The following NDUFAF8 variants were observed in gnomAD, a reference collection of about 807,000 sequenced individuals.
NDUFAF8 encodes the protein NADH:ubiquinone oxidoreductase complex assembly factor 8.
Under a neutral mutation model 9.9 loss-of-function variants are expected in NDUFAF8, and 9 were observed. That is an observed-to-expected ratio of 0.91 (90% CI 0.55 to 1.59). The LOEUF is 1.59. Ranked by LOEUF, NDUFAF8 falls within the 40% of genes most tolerant of loss-of-function variation. The pLI is 0.00. For missense variants in NDUFAF8, 114 were observed against 113.8 expected (o/e 1.00, Z -0.01); for synonymous variants, 63 against 51.2 (o/e 1.23, Z -0.98).
At chr17:81,240,405 G>C (rs115884718) in intron 2 of NDUFAF8, 1 of 153,664 alleles carries the variant, frequency 6.5e-6, no homozygotes. Context: ...GTGTGGTGGC[G>C]CGTGCCTGTA....
At position 81,240,922 on chromosome 17, in the gene NDUFAF8, A is replaced by G. The variant is rs59124084; in HGVS notation, c.196-65A>G. The G allele has an allele frequency of 0.021, 32,420 of 1,565,888 alleles. 1,185 individuals are homozygous for G. Among genetic ancestry groups the G allele is most frequent in the African/African-American group, 0.17 (12,223 of 73,850 alleles). Reference sequence around the variant, plus strand: ...GGTAGAACACAACGTGTGGTGTGGTAGCTTGCTTTTGAGGCGTATCTAACT... The same window carrying G: ...GGTAGAACACAACGTGTGGTGTGGTGGCTTGCTTTTGAGGCGTATCTAACT... On this transcript the variant is annotated intron_variant, in intron 2 of 2. Coordinates refer to ENST00000431388, the MANE Select transcript of NDUFAF8 (RefSeq NM_001086521.2).
At chr17:81,239,468 C>T in intron 1 of NDUFAF8, 21 bp downstream of exon 1, 1 of 1,389,464 alleles carries the variant, frequency 7.2e-7, no homozygotes, top group Non-Finnish European at 9.3e-7. Context: ...GCGGGCGGGC[C>T]AGTGCTGCGG....
Position 81,241,215 on chromosome 17 carries a change from T to C in NDUFAF8, c.*199T>C. On this transcript the variant is annotated 3_prime_UTR_variant, in exon 3 of 3. Transcript: ENST00000431388. ...AGCAGGAATTGGTTTTCCAGCATTGTGTCCGTAAACCTGAGTTAGAATAAG... is the reference window on the plus strand; with the variant it reads ...AGCAGGAATTGGTTTTCCAGCATTGCGTCCGTAAACCTGAGTTAGAATAAG... 7.3e-7 allele frequency: 1 copy of C among 1,371,458 alleles called. No homozygotes were observed. The highest frequency in any genetic ancestry group is 9.5e-7 in the Non-Finnish European group (1 of 1,057,524). The allele number at this position is 1,371,458 out of a possible 1,614,324, so 85.0% of individuals were successfully genotyped here.
In NDUFAF8 at chr17:81,241,151, T is replaced by C. The variant is rs746676007; in HGVS notation, c.*135T>C. 164 of 1,412,604 alleles carry C rather than the reference T, an allele frequency of 1.2e-4. No individual in the cohort carries two copies. Among genetic ancestry groups the C allele is most frequent in the Non-Finnish European group, 1.5e-4 (159 of 1,075,126 alleles). The allele number at this position is 1,412,604 out of a possible 1,614,324, so 87.5% of individuals were successfully genotyped here. Reference sequence around the variant, plus strand: ...GCGAAGATGTGACATTCCTCGGTGTTAGATCCTGTTTTTTCTTAACAAGTT... The same window carrying C: ...GCGAAGATGTGACATTCCTCGGTGTCAGATCCTGTTTTTTCTTAACAAGTT... On this transcript the variant is annotated 3_prime_UTR_variant, in exon 3 of 3. Coordinates refer to ENST00000431388, the MANE Select transcript of NDUFAF8 (RefSeq NM_001086521.2).
intron 2 of NDUFAF8, among the ~76,000 whole-genome samples, chr17:81,240,651 A>G (rs570369174): frequency 6.6e-6 from 1 of 151,144 alleles, no homozygotes; most frequent in Admixed American, 6.6e-5. Flanking sequence ...CCTAGGCAAC[A>G]AAGTGAGACT....
At position 81,241,090 on chromosome 17, in the gene NDUFAF8, A is replaced by G. The variant is rs555208393; in HGVS notation, c.*74A>G. On this transcript the variant is annotated 3_prime_UTR_variant, in exon 3 of 3. Transcript: ENST00000431388. ...TAGTCCTGATGGCCCCTGGTGGCAC[A>G]TATCGAATGCCTAGGGCAGAAAGGA... The G allele has an allele frequency of 5.2e-6, 8 of 1,551,936 alleles. No individual in the cohort carries two copies. The South Asian group carries it at 8.4e-5, about 16-fold the overall frequency.
chr17:81,239,511 A>C (rs1046084819), intron 1 of NDUFAF8, 57 bp from the exon 2 acceptor site: 57 of 1,448,206 alleles, frequency 3.9e-5, no homozygotes, highest in Non-Finnish European at 5.0e-5. Flanking sequence ...GGTGGCTGGG[A>C]GGGAGGACGG....
intron 2 of NDUFAF8, 21 bp from the exon 3 acceptor site, chr17:81,240,966 A>G (rs757341965): frequency 2.2e-5 from 36 of 1,612,414 alleles, no homozygotes; most frequent in Non-Finnish European, 2.2e-5. Context: ...AGCCATTCAG[A>G]CAAAACACTT....
chr17:81,240,691 C>G (rs1178331007), intron 2 of NDUFAF8, among the ~76,000 whole-genome samples: 1 of 147,754 alleles, frequency 6.8e-6, no homozygotes, highest in Non-Finnish European at 1.5e-5. Context: ...AGGGGGGGGG[C>G]TCCTGCTTTC....
chr17:81,241,241 A>T lies in NDUFAF8; in HGVS notation c.*225A>T, dbSNP rs2062815365. On this transcript the variant is annotated 3_prime_UTR_variant, in exon 3 of 3. Transcript: ENST00000431388. Reference sequence around the variant, plus strand: ...GTCCGTAAACCTGAGTTAGAATAAGATGTAACGGAAGCCACGATAAAGACT... The same window carrying T: ...GTCCGTAAACCTGAGTTAGAATAAGTTGTAACGGAAGCCACGATAAAGACT... 12 of 1,298,230 alleles carry T rather than the reference A, an allele frequency of 9.2e-6. No individual in the cohort carries two copies. In the South Asian group the frequency reaches 2.4e-4, roughly 26 times the overall value. 80.4% of individuals were successfully genotyped at this position (1,298,230 alleles called of 1,614,324 possible). A position where few individuals can be genotyped will look rare whatever the true frequency, so the allele number is the denominator to read the frequency against.
chr17:81,241,225 C>A lies in NDUFAF8; in HGVS notation c.*209C>A, dbSNP rs2062815276. The A allele has an allele frequency of 3.0e-6, 4 of 1,346,400 alleles. No individual in the cohort carries two copies. The East Asian group carries it at 8.0e-5, about 27-fold the overall frequency. 83.4% of individuals were successfully genotyped at this position (1,346,400 alleles called of 1,614,324 possible). On this transcript the variant is annotated 3_prime_UTR_variant, in exon 3 of 3. Transcript: ENST00000431388. ...GGTTTTCCAGCATTGTGTCCGTAAACCTGAGTTAGAATAAGATGTAACGGA... is the reference window on the plus strand; with the variant it reads ...GGTTTTCCAGCATTGTGTCCGTAAAACTGAGTTAGAATAAGATGTAACGGA...
At chr17:81,239,479 G>A (rs1223358130) in intron 1 of NDUFAF8, 32 bp downstream of exon 1, 1 of 1,417,644 alleles carries the variant, frequency 7.1e-7, no homozygotes, top group Admixed American at 2.9e-5. Flanking sequence ...AGTGCTGCGG[G>A]GCAGGAGGAG....
chr17:81,239,882 G>C, intron 2 of NDUFAF8: 1 of 631,648 alleles, frequency 1.6e-6, no homozygotes, highest in Non-Finnish European at 2.7e-6. Context: ...TTTGTAAAGC[G>C]GGACTGGCAC....
intron 2 of NDUFAF8, 25 bp downstream of exon 2, chr17:81,239,703 C>G (rs751796490): frequency 1.6e-5 from 25 of 1,522,490 alleles, no homozygotes; most frequent in Non-Finnish European, 2.2e-5. Flanking sequence ...GCCCCTTCCC[C>G]CCTTCCCAGC....
In NDUFAF8 at chr17:81,239,457, C is replaced by T. The variant is rs1324972781; in HGVS notation, c.84+10C>T. On this transcript the variant is annotated intron_variant, in intron 1 of 2. Coordinates refer to ENST00000431388, the MANE Select transcript of NDUFAF8 (RefSeq NM_001086521.2). ...CGCCTGCGGGGCCGAGGTGAGGAGC[C>T]GCGGGCGGGCCAGTGCTGCGGGGCA... is the stretch of plus-strand genomic sequence containing the variant. 1.6e-5 allele frequency: 22 copies of T among 1,368,474 alleles called. No homozygotes were observed. The highest frequency in any genetic ancestry group is 3.9e-5 in the Admixed American group (1 of 25,356). 84.8% of individuals were successfully genotyped at this position (1,368,474 alleles called of 1,614,324 possible).
intron 2 of NDUFAF8, 40 bp downstream of exon 2, chr17:81,239,718 C>A: frequency 2.6e-6 from 4 of 1,516,592 alleles, no homozygotes; most frequent in Non-Finnish European, 2.7e-6. Context: ...CCCAGCCCTT[C>A]CCCTCCAAGA....
Position 81,239,410 on chromosome 17 carries a change from G to A in NDUFAF8, c.47G>A (p.Arg16His). The change falls in exon 1 of 3, where the codon CGC becomes CAC. Residue 16 changes from arginine to histidine, a missense_variant. Coordinates refer to ENST00000431388, the MANE Select transcript of NDUFAF8 (RefSeq NM_001086521.2). ...AVWGRVRSRL[R>H]AFPERLAACG... Reference sequence around the variant, plus strand: ...TGGGGCCGCGTGCGAAGCCGCCTCCGCGCCTTCCCCGAGCGGCTGGCCGCC... The same window carrying A: ...TGGGGCCGCGTGCGAAGCCGCCTCCACGCCTTCCCCGAGCGGCTGGCCGCC... 7.3e-7 allele frequency: 1 copy of A among 1,363,900 alleles called. No individual in the cohort carries two copies. The highest frequency in any genetic ancestry group is 1.5e-5 in the African/African-American group (1 of 65,012). The allele number at this position is 1,363,900 out of a possible 1,614,324, so 84.5% of individuals were successfully genotyped here.
At position 81,239,409 on chromosome 17, in the gene NDUFAF8, C is replaced by A; in HGVS notation, c.46C>A (p.Arg16Ser). 2 of 1,364,070 alleles carry A rather than the reference C, an allele frequency of 1.5e-6. No homozygotes were observed. Among genetic ancestry groups the A allele is most frequent in the Non-Finnish European group, 1.9e-6 (2 of 1,057,706 alleles). 84.5% of individuals were successfully genotyped at this position (1,364,070 alleles called of 1,614,324 possible). Residue 16 changes from arginine to serine, a missense_variant, in exon 1 of 3, where the codon CGC becomes AGC. Coordinates refer to ENST00000431388, the MANE Select transcript of NDUFAF8 (RefSeq NM_001086521.2). ...AVWGRVRSRL[R>S]AFPERLAACG... ...GTGGGGCCGCGTGCGAAGCCGCCTC[C>A]GCGCCTTCCCCGAGCGGCTGGCCGC...
intron 2 of NDUFAF8, 63 bp downstream of exon 2, chr17:81,239,741 C>G: frequency 2.7e-6 from 4 of 1,475,040 alleles, no homozygotes; most frequent in Non-Finnish European, 3.6e-6. Flanking sequence ...CAGCGGGCCC[C>G]GGCTTTCCTT....
Sources: gnomAD v4.1 joint callset for allele counts (sites outside exome capture counted in the v4.1 genomes callset) on GRCh38, gnomAD v4.1.1 for gene constraint, MANE v1.5 for transcripts, NCBI Gene and HGNC (gene_info 2026-07-23, HGNC 2026-07-21) for gene names.